Variants in DLL1 observed in about 807,000 individuals in gnomAD.
DLL1 encodes delta like canonical Notch ligand 1.
In DLL1, 9 loss-of-function variants were observed where a neutral mutation model predicts 75.1. The ratio of observed to expected loss-of-function variants is 0.12; its 90% CI spans 0.07 to 0.21. The LOEUF is 0.21. DLL1 is among the 10% of genes least tolerant of loss of function. The pLI, the probability that DLL1 is intolerant of heterozygous loss-of-function variation, is 1.00. For synonymous variants in DLL1, 477 were observed against 418.3 expected (o/e 1.14, Z -1.71); for missense variants, 837 against 1,007.6 (o/e 0.83, Z 2.29).
chr6:170,287,776 C>G (rs1240934660), intron 4 of DLL1, among the ~76,000 whole-genome samples: 1 of 152,176 alleles, frequency 6.6e-6, no homozygotes, highest in African/African-American at 2.4e-5. Context: ...GGCGTTTGCT[C>G]CAGAGAGGTC....
Position 170,290,258 on chromosome 6 carries a change from C to A in DLL1, c.-119G>T. The stretch of plus-strand genomic sequence containing the variant: ...TGGGCAGAAAAGCGCCCTTGCCTCG[C>A]CCCAGACCGCAGGACCCAGGACTTC... On this transcript the variant is annotated 5_prime_UTR_variant, in exon 1 of 11. Transcript: ENST00000366756. The surrounding 1 kb of genome is among the most constrained non-coding windows in gnomAD (Gnocchi z 4.7). 8.3e-7 allele frequency: 1 copy of A among 1,202,588 alleles called. No individual in the cohort carries two copies. Among genetic ancestry groups the A allele is most frequent in the Non-Finnish European group, 1.2e-6 (1 of 866,670 alleles). 74.5% of individuals were successfully genotyped at this position (1,202,588 alleles called of 1,614,324 possible). A position where few individuals can be genotyped will look rare whatever the true frequency, so the allele number is the denominator to read the frequency against.
intron 4 of DLL1, chr6:170,288,032 C>G: frequency 1.4e-6 from 1 of 712,096 alleles, no homozygotes; most frequent in Non-Finnish European, 2.4e-6. Flanking sequence ...ATAAACACAG[C>G]CTGGGATGTT....
intron 4 of DLL1, among the ~76,000 whole-genome samples, chr6:170,286,857 G>A (rs1436747465): frequency 1.3e-5 from 2 of 152,122 alleles, no homozygotes; most frequent in East Asian, 1.9e-4. Flanking sequence ...AATGGGAGCC[G>A]GCGGGTGTCC....
At position 170,290,307 on chromosome 6, in the gene DLL1, C is replaced by T. The variant is rs1783829282; in HGVS notation, c.-168G>A. On this transcript the variant is annotated 5_prime_UTR_variant, in exon 1 of 11. Coordinates refer to ENST00000366756, the MANE Select transcript of DLL1 (RefSeq NM_005618.4). This position sits in a 1 kb window ranked among gnomAD's most constrained non-coding sequence, Gnocchi z 4.7. ...TCTTTCTTTAAAAGCCGGTCTCCGCCTCTTCCCAAGGCCGCGGTTCTTTAT... is the reference window on the plus strand; with the variant it reads ...TCTTTCTTTAAAAGCCGGTCTCCGCTTCTTCCCAAGGCCGCGGTTCTTTAT... 1 of 675,276 alleles carries T rather than the reference C, an allele frequency of 1.5e-6. No homozygotes were observed. The highest frequency in any genetic ancestry group is 2.2e-6 in the Non-Finnish European group (1 of 449,800). 41.8% of individuals were successfully genotyped at this position (675,276 alleles called of 1,614,324 possible).
At position 170,290,461 on chromosome 6, in the gene DLL1, G is replaced by T. The variant is rs1783835641; in HGVS notation, c.-322C>A. The T allele has an allele frequency of 8.6e-6, 3 of 348,382 alleles. No homozygotes were observed. Among genetic ancestry groups the T allele is most frequent in the Non-Finnish European group, 1.5e-5 (3 of 193,990 alleles). The allele number at this position is 348,382 out of a possible 1,614,324, so 21.6% of individuals were successfully genotyped here. ...AGCCCCCGAGGAGGTGAGGGTCGCC[G>T]GCTTCCTGGTTTTGTCTTGAGCTTC... On this transcript the variant is annotated 5_prime_UTR_variant, in exon 1 of 11. Transcript: ENST00000366756. The surrounding 1 kb of genome is among the most constrained non-coding windows in gnomAD (Gnocchi z 4.7).
rs200599597 is a variant in DLL1, at chr6:170,283,746, G to A, written c.1533C>T (p.Tyr511=). Residue 511 remains tyrosine (Y), a synonymous_variant, in exon 9 of 11, where the codon TAC becomes TAT. Transcript: ENST00000366756. ...HRYVCECARG[Y]GGPNCQFLLP... ...GCAGGAACTGGCAGTTGGGACCCCC[G>A]TAGCCTCGGGCACACTCGCACACAT... 1.2e-4 allele frequency: 181 copies of A among 1,565,720 alleles called. 1 individual carries two copies. Among genetic ancestry groups the A allele is most frequent in the Middle Eastern group, 8.4e-4 (5 of 5,974 alleles).
intron 4 of DLL1, 145 bp from the exon 5 acceptor site, chr6:170,286,443 C>G: frequency 1.0e-6 from 1 of 996,890 alleles, no homozygotes; most frequent in East Asian, 2.4e-5. Flanking sequence ...AGGACTGACC[C>G]CCCTGCCTAG....
intron 8 of DLL1, 148 bp downstream of exon 8, chr6:170,284,771 C>A (rs1783657691): frequency 2.3e-6 from 2 of 877,316 alleles, no homozygotes; most frequent in Non-Finnish European, 3.7e-6. Context: ...TTTCCAGACT[C>A]AAAGATAGAG....
At chr6:170,285,895 C>G (rs1783685970) in intron 5 of DLL1, among the ~76,000 whole-genome samples, 196 bp from the exon 6 acceptor site, 1 of 152,238 alleles carries the variant, frequency 6.6e-6, no homozygotes, top group Non-Finnish European at 1.5e-5. Context: ...GGTGTTAGGG[C>G]AGCACCAGTG....
In DLL1 at chr6:170,283,287, C is replaced by T. The variant is rs756338426; in HGVS notation, c.1992G>A (p.Lys664=). ...CCCCTGAGGAGCCCTGGGGCTGGCACTTGGTGTCACGCTTGCTGTGCGCGT... is the reference window on the plus strand; with the variant it reads ...CCCCTGAGGAGCCCTGGGGCTGGCATTTGGTGTCACGCTTGCTGTGCGCGT... The part of the protein sequence containing the change: ...VRDAHSKRDT[K]CQPQGSSGEE... The change falls in exon 9 of 11, where the codon AAG becomes AAA. Residue 664 remains lysine, a synonymous_variant. Transcript: ENST00000366756. 3.7e-6 allele frequency: 6 copies of T among 1,613,248 alleles called. No homozygotes were observed. The highest frequency in any genetic ancestry group is 5.1e-6 in the Non-Finnish European group (6 of 1,180,002).
chr6:170,283,075 G>A lies in DLL1; in HGVS notation c.2079C>T (p.Asp693=), dbSNP rs1190931931. 4 of 1,614,006 alleles carry A rather than the reference G, an allele frequency of 2.5e-6. No homozygotes were observed. Among genetic ancestry groups the A allele is most frequent in the African/African-American group, 1.3e-5 (1 of 74,926 alleles). Residue 693 remains aspartate (D), a synonymous_variant, in exon 10 of 11, where the codon GAC becomes GAT. Coordinates refer to ENST00000366756, the MANE Select transcript of DLL1 (RefSeq NM_005618.4). ...TGTCTTTTGAAGTTGAACAGCCCGA[G>A]TCCGGCCTTTTTCTTTCAGATGCTT... The part of the protein sequence containing the change: ...GGEASERKRP[D]SGCSTSKDTK...
chr6:170,287,534 G>T (rs1423404372), intron 4 of DLL1, among the ~76,000 whole-genome samples: 2 of 152,228 alleles, frequency 1.3e-5, no homozygotes, highest in African/African-American at 4.8e-5. Flanking sequence ...CTAGTCACCT[G>T]CCTGCCATGA....
rs1446839763 is a variant in DLL1, at chr6:170,283,879, CAGG to C, written c.1397_1399del (p.Ser466del). The C allele has an allele frequency of 2.5e-6, 4 of 1,606,494 alleles. No individual in the cohort carries two copies. Among genetic ancestry groups the C allele is most frequent in the African/African-American group, 1.3e-5 (1 of 74,920 alleles). On this transcript the variant is annotated inframe_deletion, in exon 9 of 11. Transcript: ENST00000366756. ...GCCCGTGTAGCCAGGCGGGCAGGTG[CAGG>C]AGAAGTCGTTCACGCCATCCCGGCA...
rs886910031 is a variant in DLL1, at chr6:170,286,223, C to G, written c.731+15G>C. On this transcript the variant is annotated intron_variant, in intron 5 of 10. Coordinates refer to ENST00000366756, the MANE Select transcript of DLL1 (RefSeq NM_005618.4). ...AAAAGGCAACAAAACAAAACACCAC[C>G]TTGTGCAGACTTACTTGCATTCCCC... 3.1e-6 allele frequency: 5 copies of G among 1,614,072 alleles called. No individual in the cohort carries two copies. In the Admixed American group the frequency reaches 8.3e-5, roughly 27 times the overall value.
At chr6:170,289,161 A>C in intron 2 of DLL1, 1 of 593,642 alleles carries the variant, frequency 1.7e-6, no homozygotes, top group Non-Finnish European at 3.0e-6. Context: ...TGCGCGGGTA[A>C]TCGCGCCACC....
chr6:170,283,073 G>A lies in DLL1; in HGVS notation c.2081C>T (p.Ser694Leu), dbSNP rs201177310. 2.2e-4 allele frequency: 355 copies of A among 1,614,080 alleles called. 1 individual carries two copies. The highest frequency in any genetic ancestry group is 2.7e-4 in the Non-Finnish European group (315 of 1,180,026). Residue 694 changes from serine (S) to leucine (L), a missense_variant, in exon 10 of 11, where the codon TCG becomes TTG. Physicochemically the swap from Ser to Leu is moderately radical, Grantham distance 145. This residue lies in a region of DLL1 where 533 missense variants were observed against 545.7 expected (regional missense o/e 0.98). Transcript: ENST00000366756. ...GGTGTCTTTTGAAGTTGAACAGCCCGAGTCCGGCCTTTTTCTTTCAGATGC... is the reference window on the plus strand; with the variant it reads ...GGTGTCTTTTGAAGTTGAACAGCCCAAGTCCGGCCTTTTTCTTTCAGATGC... Reference protein sequence around the residue: ...GEASERKRPDSGCSTSKDTKY... With the variant: ...GEASERKRPDLGCSTSKDTKY...
intron 2 of DLL1, chr6:170,289,050 G>C (rs1194737957): frequency 1.8e-5 from 9 of 488,478 alleles, no homozygotes; most frequent in African/African-American, 1.4e-4. Flanking sequence ...TTTTTAATTA[G>C]AGAGAGAGAG....
Position 170,282,595 on chromosome 6 carries a change from CG to C in DLL1, c.*278del, listed in dbSNP as rs1783581189. ...ACTCAGGCAGTGCATGCTTCTTATG[CG>C]TAATTCAGTTCACCCATTTAAATAT... On this transcript the variant is annotated 3_prime_UTR_variant, in exon 11 of 11. Coordinates refer to ENST00000366756, the MANE Select transcript of DLL1 (RefSeq NM_005618.4). 1 of 592,024 alleles carries C rather than the reference CG, an allele frequency of 1.7e-6. No homozygotes were observed. Among genetic ancestry groups the C allele is most frequent in the Non-Finnish European group, 3.0e-6 (1 of 332,550 alleles). 36.7% of individuals were successfully genotyped at this position (592,024 alleles called of 1,614,324 possible).
At position 170,283,412 on chromosome 6, in the gene DLL1, C is replaced by T. The variant is rs763858182; in HGVS notation, c.1867G>A (p.Gly623Arg). 26 of 1,610,962 alleles carry T rather than the reference C, an allele frequency of 1.6e-5. No homozygotes were observed. The highest frequency in any genetic ancestry group is 2.2e-5 in the East Asian group (1 of 44,878). Residue 623 changes from glycine to arginine, a missense_variant, in exon 9 of 11, where the codon GGG (glycine) becomes AGG (arginine). Physicochemically the swap from Gly to Arg is moderately radical, Grantham distance 125. Around this residue, in one of 2 missense-constraint regions of DLL1, gnomAD observed 533 missense variants for 545.7 expected, o/e 0.98. Coordinates refer to ENST00000366756, the MANE Select transcript of DLL1 (RefSeq NM_005618.4). ...CCATTCTTGTCGGCGCTGTGGTCCC[C>T]GTGGAAGTCCGCCTTCTTGTTGGTG... Reference protein sequence around the residue: ...KNTNKKADFHGDHSADKNGFK... With the variant: ...KNTNKKADFHRDHSADKNGFK...
Sources: gnomAD v4.1 joint callset for allele counts (sites outside exome capture counted in the v4.1 genomes callset) on GRCh38, gnomAD v4.1.1 for gene constraint, gnomAD v4.1.1 regional missense constraint, Gnocchi (gnomAD v3.1) non-coding constraint, MANE v1.5 for transcripts, NCBI Gene and HGNC (gene_info 2026-07-23, HGNC 2026-07-21) for gene names.